ACTR8: variants seen among roughly 807,000 people sequenced by gnomAD.
ACTR8 encodes actin-related protein 8.
A neutral mutation model predicts 84.3 loss-of-function variants in ACTR8; 70 were observed. The observed-to-expected ratio is 0.83, with a 90% CI of 0.68 to 1.01. The LOEUF is 1.01. ACTR8 is among the 50% of genes least tolerant of loss of function. The pLI is 0.00. For missense variants in ACTR8, 672 were observed against 775.4 expected, an observed-to-expected ratio of 0.87 and a Z score of 1.58; for synonymous variants, 268 against 275.2, an observed-to-expected ratio of 0.97 and a Z score of 0.26.
chr3:53,874,295 G>A lies in ACTR8; in HGVS notation c.981C>T (p.Phe327=), dbSNP rs1397349646. ...CFYWLMQRAG[F]PYRECQLTNK... ...TTGTTAACTGGCATTCTCTGTAAGG[G>A]AACCCAGCTCGCTGCATTAGCCAGT... The change falls in exon 8 of 13, where the codon TTC becomes TTT. Residue 327 remains phenylalanine (F), a synonymous_variant. Transcript: ENST00000335754. 1.2e-6 allele frequency: 2 copies of A among 1,614,044 alleles called. No individual in the cohort carries two copies. The highest frequency in any genetic ancestry group is 2.2e-5 in the South Asian group (2 of 91,086).
chr3:53,859,092 G>C, the ACTR8 span: 8 of 320,066 alleles, frequency 2.5e-5, no homozygotes, highest in East Asian at 3.3e-4. Flanking sequence ...TGGATGTTCT[G>C]AGTGCCACAA....
intron 9 of ACTR8, among the ~76,000 whole-genome samples, chr3:53,872,763 T>C (rs796180204): frequency 5.9e-5 from 9 of 152,304 alleles, no homozygotes; most frequent in African/African-American, 1.7e-4. Context: ...AAAGCAAATA[T>C]CAAGTACCTC....
chr3:53,877,638 G>C lies in ACTR8; in HGVS notation c.510+9C>G. 1.2e-6 allele frequency: 2 copies of C among 1,608,676 alleles called. No homozygotes were observed. The highest frequency in any genetic ancestry group is 1.7e-6 in the Non-Finnish European group (2 of 1,175,986). ...CCTTCTTTCATTCTATTGTAAAGAA[G>C]TTTCTTACCTCTTCTCCTACTAAAT... On this transcript the variant is annotated intron_variant, in intron 4 of 12. Transcript: ENST00000335754.
intron 8 of ACTR8, among the ~76,000 whole-genome samples, chr3:53,873,974 G>A (rs959761405): frequency 2.0e-5 from 3 of 151,962 alleles, no homozygotes; most frequent in East Asian, 3.9e-4. Context: ...ACAGGTGCCC[G>A]CCACCACGCC....
At chr3:53,869,014 G>A in intron 12 of ACTR8, 152 bp from the exon 13 acceptor site, 1 of 1,149,392 alleles carries the variant, frequency 8.7e-7, no homozygotes, top group Non-Finnish European at 1.2e-6. Flanking sequence ...TTAAATACAG[G>A]CTCACGCCTG....
intron 2 of ACTR8, among the ~76,000 whole-genome samples, chr3:53,879,199 A>G (rs1700023669): frequency 6.6e-6 from 1 of 152,228 alleles, no homozygotes; most frequent in Non-Finnish European, 1.5e-5. Context: ...AAGTAGAATT[A>G]TAAGATCCAA....
chr3:53,869,703 G>A (rs1420318072), intron 12 of ACTR8, among the ~76,000 whole-genome samples: 1 of 152,172 alleles, frequency 6.6e-6, no homozygotes, highest in Non-Finnish European at 1.5e-5. Context: ...GGGCTTGAGA[G>A]CAGTTGGTCC....
chr3:53,861,952 G>A, the ACTR8 span, among the ~76,000 whole-genome samples: 2 of 152,184 alleles, frequency 1.3e-5, no homozygotes, highest in Non-Finnish European at 2.9e-5. Context: ...ATGCAATTGG[G>A]TTTATGATCA....
chr3:53,860,276 T>G, the ACTR8 span: 1 of 1,497,508 alleles, frequency 6.7e-7, no homozygotes, highest in Middle Eastern at 2.0e-4. Flanking sequence ...AAATAACATT[T>G]TGAATTTTTT....
Position 53,877,232 on chromosome 3 carries a change from G to T in ACTR8, c.666C>A (p.Ile222=). The change falls in exon 5 of 13, where the codon ATC becomes ATA. Residue 222 remains isoleucine, a synonymous_variant. Coordinates refer to ENST00000335754, the MANE Select transcript of ACTR8 (RefSeq NM_022899.5). ...WSHAIQKYLE[I]PLKDLKYYRC... ...AGCTCACCTTTAAATCTTTCAGTGG[G>T]ATTTCCAAGTATTTTTGTATCGCAT... 6.2e-7 allele frequency: 1 copy of T among 1,602,492 alleles called. No homozygotes were observed. The highest frequency in any genetic ancestry group is 8.5e-7 in the Non-Finnish European group (1 of 1,176,272).
chr3:53,863,636 C>T (rs1699653719), downstream of ACTR8, among the ~76,000 whole-genome samples: 1 of 152,052 alleles, frequency 6.6e-6, no homozygotes, highest in Non-Finnish European at 1.5e-5. Flanking sequence ...AGGTTAAGTT[C>T]CAGGGGCTGA....
Position 53,870,045 on chromosome 3 carries a change from G to A in ACTR8, c.1668C>T (p.Leu556=), listed in dbSNP as rs775870210. 11 of 1,614,176 alleles carry A rather than the reference G, an allele frequency of 6.8e-6. No individual in the cohort carries two copies. In the South Asian group the frequency reaches 9.9e-5, roughly 15 times the overall value. The change falls in exon 12 of 13, where the codon CTC becomes CTT. Residue 556 remains leucine, a synonymous_variant. Coordinates refer to ENST00000335754, the MANE Select transcript of ACTR8 (RefSeq NM_022899.5). This position sits in a 1 kb window ranked among gnomAD's most constrained non-coding sequence, Gnocchi z 4.1. The stretch of plus-strand genomic sequence containing the variant: ...GCCTGAAGGATGGTGGCATTTTGTT[G>A]AGAATTCTGTGCTGCAGAAATTCTT... The part of the protein sequence containing the change: ...KAQEFLQHRI[L]NKMPPSFRRI...
chr3:53,878,408 C>T lies in ACTR8; in HGVS notation c.354G>A (p.Trp118Ter). The change falls in exon 3 of 13, where the codon TGG becomes TGA. Residue 118 changes from tryptophan (W) to a stop codon, truncating the protein, a stop_gained. Transcript: ENST00000335754. LOFTEE classifies it high-confidence loss of function. Reference protein sequence around the residue: ...NGLKMVDQAIWSKKMSNGTRR... With the variant: ...NGLKMVDQAI Reference sequence around the variant, plus strand: ...TTGTACCATTGGACATCTTTTTAGACCATATTGCTTGATCCACCATTTTAA... The same window carrying T: ...TTGTACCATTGGACATCTTTTTAGATCATATTGCTTGATCCACCATTTTAA... 2 of 1,613,414 alleles carry T rather than the reference C, an allele frequency of 1.2e-6. No individual in the cohort carries two copies. Among genetic ancestry groups the T allele is most frequent in the Non-Finnish European group, 8.5e-7 (1 of 1,179,800 alleles).
downstream of ACTR8, chr3:53,864,605 G>C: frequency 1.5e-6 from 1 of 675,352 alleles, no homozygotes; most frequent in Admixed American, 2.5e-5. Flanking sequence ...ACATCAGGAT[G>C]TTTTTCCTTG....
chr3:53,863,147 T>G (rs576724039), downstream of ACTR8, among the ~76,000 whole-genome samples: 37 of 152,346 alleles, frequency 2.4e-4, 1 homozygote, highest in South Asian at 7.5e-3. Flanking sequence ...ACACATAACA[T>G]GCAAAATATG....
rs1576860244 is a variant in ACTR8, at chr3:53,869,830, C to T, written c.1731+152G>A. The T allele has an allele frequency of 1.7e-5, 15 of 892,714 alleles. No homozygotes were observed. The East Asian group carries it at 3.7e-4, about 22-fold the overall frequency. The allele number at this position is 892,714 out of a possible 1,614,324, so 55.3% of individuals were successfully genotyped here. A position where few individuals can be genotyped will look rare whatever the true frequency, so the allele number is the denominator to read the frequency against. The stretch of plus-strand genomic sequence containing the variant: ...CCTTAGGCCAGAGCACCTTCCACCA[C>T]ATCTATGGCTTGCTGAAATTAACTT... On this transcript the variant is annotated intron_variant, in intron 12 of 12. Transcript: ENST00000335754.
downstream of ACTR8, among the ~76,000 whole-genome samples, chr3:53,866,363 GA>G (rs57586869): frequency 0.36 from 54,278 of 152,036 alleles, 9,901 homozygotes; most frequent in East Asian, 0.54. Flanking sequence ...CATCCTGGGT[GA>G]GAGCAGACCC....
intron 12 of ACTR8, 97 bp from the exon 13 acceptor site, chr3:53,868,959 A>G: frequency 6.8e-7 from 1 of 1,461,896 alleles, no homozygotes; most frequent in Non-Finnish European, 9.2e-7. Flanking sequence ...TGCTGAGTCA[A>G]TACCTAGTAA....
At chr3:53,877,493 T>C (rs1030806455) in intron 4 of ACTR8, 106 bp from the exon 5 acceptor site, 73 of 1,362,756 alleles carry the variant, frequency 5.4e-5, no homozygotes, top group Middle Eastern at 2.1e-4. Context: ...GTGAGAAATG[T>C]TGAGAGTGAA....
Sources: allele counts gnomAD v4.1 joint callset (sites outside exome capture counted in the v4.1 genomes callset), GRCh38; gene constraint gnomAD v4.1.1; non-coding constraint Gnocchi (gnomAD v3.1); transcripts MANE v1.5; gene names NCBI Gene and HGNC (gene_info 2026-07-23, HGNC 2026-07-21).